Variants in PRSS33 observed in about 807,000 individuals in gnomAD.
PRSS33 encodes serine protease 33, also known as protease, serine 33.
Under a neutral mutation model 26.7 loss-of-function variants are expected in PRSS33, and 32 were observed. That is an observed-to-expected ratio of 1.20 (90% CI 0.90 to 1.61). The LOEUF is 1.61. Ranked by LOEUF, PRSS33 falls within the 40% of genes most tolerant of loss-of-function variation. The pLI is 0.00. For synonymous variants in PRSS33, 192 were observed against 177.6 expected (o/e 1.08, Z -0.64); for missense variants, 450 against 396.3 (o/e 1.14, Z -1.15).
rs1408936143 is a variant in PRSS33, at chr16:2,785,795, T to C, written c.242+4A>G. On this transcript the variant is annotated splice_donor_region_variant and intron_variant, in intron 4 of 6. Coordinates refer to ENST00000682474, the MANE Select transcript of PRSS33 (RefSeq NM_152891.3). Reference sequence around the variant, plus strand: ...CCCCGCCTGGGCCCTCGGTGAGCGCTGACCTGGGGAAGCAGTGCGCCGCTG... The same window carrying C: ...CCCCGCCTGGGCCCTCGGTGAGCGCCGACCTGGGGAAGCAGTGCGCCGCTG... The C allele has an allele frequency of 1.9e-6, 3 of 1,591,352 alleles. No homozygotes were observed. The highest frequency in any genetic ancestry group is 2.2e-5 in the South Asian group (2 of 90,100).
rs1175866184 is a variant in PRSS33, at chr16:2,785,534, A to G, written c.355T>C (p.Ser119Pro). The change falls in exon 5 of 7, where the codon TCC becomes CCC. Residue 119 changes from serine (S) to proline (P), a missense_variant. Physicochemically the swap from Ser to Pro is moderately conservative, Grantham distance 74 (BLOSUM62 -1). Coordinates refer to ENST00000682474, the MANE Select transcript of PRSS33 (RefSeq NM_152891.3). Reference protein sequence around the residue: ...VRRVLLPPDYSEDGARGDLAL... With the variant: ...VRRVLLPPDYPEDGARGDLAL... ...AGGTCGCCGCGGGCCCCGTCCTCGG[A>G]GTAGTCCGGGGGCAGCAGCACCCGT... 6.6e-7 allele frequency: 1 copy of G among 1,526,608 alleles called. No homozygotes were observed. Among genetic ancestry groups the G allele is most frequent in the Non-Finnish European group, 8.7e-7 (1 of 1,144,034 alleles). The allele number at this position is 1,526,608 out of a possible 1,614,324, so 94.6% of individuals were successfully genotyped here.
At position 2,784,380 on chromosome 16, in the gene PRSS33, A is replaced by C; in HGVS notation, c.*264T>G. The C allele has an allele frequency of 5.7e-6, 2 of 352,456 alleles. No homozygotes were observed. The highest frequency in any genetic ancestry group is 1.0e-5 in the Non-Finnish European group (2 of 190,914). The allele number at this position is 352,456 out of a possible 1,614,324, so 21.8% of individuals were successfully genotyped here. On this transcript the variant is annotated 3_prime_UTR_variant, in exon 7 of 7. Coordinates refer to ENST00000682474, the MANE Select transcript of PRSS33 (RefSeq NM_152891.3). ...GCCCTGGCCAGGGCCAAGAAAAGTA[A>C]ATACAAGCCAGGAAGGGAGTGGGGA...
Position 2,785,072 on chromosome 16 carries a change from TG to T in PRSS33, c.613del (p.Gln205ArgfsTer31). Reference sequence around the variant, plus strand: ...CCCAGGCAGCACAATGCGCTCAGCCTGGGGCACGTCCGCGCCCACGTGGTAG... The same window carrying T: ...CCCAGGCAGCACAATGCGCTCAGCCTGGGCACGTCCGCGCCCACGTGGTAG... ...GLYHVGADVP[Q>X]AERIVLPGSL... On this transcript the variant is annotated frameshift_variant, in exon 6 of 7. Transcript: ENST00000682474. LOFTEE classifies it high-confidence loss of function. The T allele has an allele frequency of 6.4e-7, 1 of 1,573,478 alleles. No homozygotes were observed.
rs769038009 is a variant in PRSS33 at position 2,785,905 on chromosome 16, C to T, written c.136G>A (p.Gly46Arg). 1.2e-6 allele frequency: 2 copies of T among 1,611,646 alleles called. No individual in the cohort carries two copies. Among genetic ancestry groups the T allele is most frequent in the South Asian group, 1.1e-5 (1 of 90,960 alleles). ...RIVGGRDGRD[G>R]EWPWQASIQH... Reference sequence around the variant, plus strand: ...ATGCTCGCCTGCCACGGCCACTCTCCGTCCCGGCCATCCCGGCCCCCAACG... The same window carrying T: ...ATGCTCGCCTGCCACGGCCACTCTCTGTCCCGGCCATCCCGGCCCCCAACG... The change falls in exon 4 of 7, where the codon GGA becomes AGA. Residue 46 changes from glycine (G) to arginine (R), a missense_variant. By Grantham distance (125) the Gly-to-Arg change is moderately radical. Transcript: ENST00000682474.
In PRSS33 at chr16:2,785,545, G is replaced by C. The variant is rs548700888; in HGVS notation, c.344C>G (p.Pro115Arg). ...LSVPVRRVLLPPDYSEDGARG... is the reference protein window; with the variant it reads ...LSVPVRRVLLRPDYSEDGARG... ...GGCCCCGTCCTCGGAGTAGTCCGGG[G>C]GCAGCAGCACCCGTCGCACGGGCAC... The change falls in exon 5 of 7, where the codon CCC becomes CGC. Residue 115 changes from proline (P) to arginine (R), a missense_variant. By Grantham distance (103) the Pro-to-Arg change is moderately radical. Coordinates refer to ENST00000682474, the MANE Select transcript of PRSS33 (RefSeq NM_152891.3). 2 of 1,527,932 alleles carry C rather than the reference G, an allele frequency of 1.3e-6. No homozygotes were observed. The highest frequency in any genetic ancestry group is 1.7e-6 in the Non-Finnish European group (2 of 1,144,532). The allele number at this position is 1,527,932 out of a possible 1,614,324, so 94.6% of individuals were successfully genotyped here. A position where few individuals can be genotyped will look rare whatever the true frequency, so the allele number is the denominator to read the frequency against.
Position 2,786,241 on chromosome 16 carries a change from C to T in PRSS33, c.47-120G>A, listed in dbSNP as rs564622903. ...AATGTTGCCCTGACATTGCGCCAGG[C>T]TTTCGTGCCGTCTGTTATCTTATTT... On this transcript the variant is annotated intron_variant, in intron 2 of 6. Coordinates refer to ENST00000682474, the MANE Select transcript of PRSS33 (RefSeq NM_152891.3). The T allele has an allele frequency of 5.0e-6, 5 of 1,008,706 alleles. No individual in the cohort carries two copies. The East Asian group carries it at 9.9e-5, about 20-fold the overall frequency. The allele number at this position is 1,008,706 out of a possible 1,614,324, so 62.5% of individuals were successfully genotyped here. A position where few individuals can be genotyped will look rare whatever the true frequency, so the allele number is the denominator to read the frequency against.
intron 5 of PRSS33, 60 bp from the exon 6 acceptor site, chr16:2,785,231 C>T (rs2150789267): frequency 2.0e-6 from 3 of 1,476,482 alleles, no homozygotes; most frequent in East Asian, 2.5e-5. Context: ...GTGGGAGAAG[C>T]TGAGCTCTGA....
chr16:2,786,259 T>C, intron 2 of PRSS33, 138 bp from the exon 3 acceptor site: 2 of 944,444 alleles, frequency 2.1e-6, no homozygotes, highest in African/African-American at 1.6e-5. Context: ...CCGTCTGTTA[T>C]CTTATTTAAC....
At position 2,784,144 on chromosome 16, in the gene PRSS33, G is replaced by A. The variant is rs2068846577; in HGVS notation, c.*500C>T. 6.6e-6 allele frequency: 1 copy of A among 152,458 alleles called. No homozygotes were observed. Among genetic ancestry groups the A allele is most frequent in the South Asian group, 2.1e-4 (1 of 4,840 alleles). 9.4% of individuals were successfully genotyped at this position (152,458 alleles called of 1,614,324 possible). ...CAGAATCCAGTGCCTTGCGGCTGTGGGTCTGAGGGTTCCGATTCCCTGCCG... is the reference window on the plus strand; with the variant it reads ...CAGAATCCAGTGCCTTGCGGCTGTGAGTCTGAGGGTTCCGATTCCCTGCCG... On this transcript the variant is annotated 3_prime_UTR_variant, in exon 7 of 7. Transcript: ENST00000682474.
chr16:2,786,640 C>G (rs2068877474), intron 1 of PRSS33, 36 bp from the exon 2 acceptor site: 9 of 1,409,188 alleles, frequency 6.4e-6, no homozygotes, highest in Non-Finnish European at 8.9e-6. Flanking sequence ...AGAGTCCTGG[C>G]CCAGGGGCAC....
Position 2,785,510 on chromosome 16 carries a change from G to C in PRSS33, c.379C>G (p.Leu127Val), listed in dbSNP as rs1243288821. ...GGGCGACGCAGCTGCAGCAGTGCCA[G>C]GTCGCCGCGGGCCCCGTCCTCGGAG... is the stretch of plus-strand genomic sequence containing the variant. ...DYSEDGARGD[L>V]ALLQLRRPVP... is the part of the protein sequence containing the mutation. Residue 127 changes from leucine (L) to valine (V), a missense_variant, in exon 5 of 7, where the codon CTG becomes GTG. Coordinates refer to ENST00000682474, the MANE Select transcript of PRSS33 (RefSeq NM_152891.3). 1 of 1,523,998 alleles carries C rather than the reference G, an allele frequency of 6.6e-7. No homozygotes were observed. The highest frequency in any genetic ancestry group is 2.5e-5 in the East Asian group (1 of 39,584). 94.4% of individuals were successfully genotyped at this position (1,523,998 alleles called of 1,614,324 possible).
intron 6 of PRSS33, 84 bp from the exon 7 acceptor site, chr16:2,784,886 G>T: frequency 6.6e-7 from 1 of 1,521,390 alleles, no homozygotes; most frequent in Non-Finnish European, 8.9e-7. Context: ...GGTGCCTCTA[G>T]GTTGGAGGCC....
chr16:2,784,467 G>A lies in PRSS33; in HGVS notation c.*177C>T, dbSNP rs2068849171. ...GAGGGTTGGTGGAGTCAGAGCTGGTGATCCCCAAAGAGGAGAGGAGGCAGG... is the reference window on the plus strand; with the variant it reads ...GAGGGTTGGTGGAGTCAGAGCTGGTAATCCCCAAAGAGGAGAGGAGGCAGG... On this transcript the variant is annotated 3_prime_UTR_variant, in exon 7 of 7. Transcript: ENST00000682474. 9.2e-6 allele frequency: 5 copies of A among 546,306 alleles called. No individual in the cohort carries two copies. The South Asian group carries it at 1.1e-4, about 12-fold the overall frequency. 33.8% of individuals were successfully genotyped at this position (546,306 alleles called of 1,614,324 possible).
Position 2,784,599 on chromosome 16 carries a change from G to C in PRSS33, c.*45C>G. ...AGGTGCCTGGATGAACCAGGAGGCTGAGGGACCCCAGCAGCTGGCTCCAGG... is the reference window on the plus strand; with the variant it reads ...AGGTGCCTGGATGAACCAGGAGGCTCAGGGACCCCAGCAGCTGGCTCCAGG... On this transcript the variant is annotated 3_prime_UTR_variant, in exon 7 of 7. Transcript: ENST00000682474. The C allele has an allele frequency of 6.6e-7, 1 of 1,523,992 alleles. No individual in the cohort carries two copies. The highest frequency in any genetic ancestry group is 8.9e-7 in the Non-Finnish European group (1 of 1,129,924). 94.4% of individuals were successfully genotyped at this position (1,523,992 alleles called of 1,614,324 possible). A position where few individuals can be genotyped will look rare whatever the true frequency, so the allele number is the denominator to read the frequency against.
chr16:2,786,868 T>C (rs1281995968), intron 1 of PRSS33: 11 of 102,054 alleles, frequency 1.1e-4, no homozygotes. Context: ...CCCTCCCTCA[T>C]CCCCCTCCCC....
At chr16:2,785,984 G>A (rs755057217) in intron 3 of PRSS33, 23 bp from the exon 4 acceptor site, 1 of 1,613,000 alleles carries the variant, frequency 6.2e-7, no homozygotes, top group African/African-American at 1.3e-5. Context: ...CAGGGGCGGT[G>A]AGGGTTGGCT....
intron 6 of PRSS33, 25 bp downstream of exon 6, chr16:2,784,977 G>C (rs2068855102): frequency 1.9e-6 from 3 of 1,592,572 alleles, no homozygotes; most frequent in East Asian, 4.5e-5. Flanking sequence ...GGGGACTCCG[G>C]AGGCTGGGGA....
rs2068868220 is a variant in PRSS33, at chr16:2,785,869, C to T, written c.172G>A (p.Gly58Arg). ...WPWQASIQHR[G>R]AHVCGGSLIA... ...AGCGACCCCCCGCACACGTGTGCCC[C>T]ACGATGCTGGATGCTCGCCTGCCAC... The change falls in exon 4 of 7, where the codon GGG (glycine) becomes AGG (arginine). Residue 58 changes from glycine to arginine, a missense_variant. Coordinates refer to ENST00000682474, the MANE Select transcript of PRSS33 (RefSeq NM_152891.3). 1 of 1,609,664 alleles carries T rather than the reference C, an allele frequency of 6.2e-7. No homozygotes were observed. Among genetic ancestry groups the T allele is most frequent in the Non-Finnish European group, 8.5e-7 (1 of 1,179,064 alleles).
Position 2,786,598 on chromosome 16 carries a change from C to T in PRSS33, c.-51G>A, listed in dbSNP as rs1044409145. 2 of 1,606,914 alleles carry T rather than the reference C, an allele frequency of 1.2e-6. No homozygotes were observed. The highest frequency in any genetic ancestry group is 2.7e-5 in the African/African-American group (2 of 74,692). On this transcript the variant is annotated 5_prime_UTR_variant, in exon 2 of 7. Transcript: ENST00000682474. ...AGGGTGGCACTGCCTAGGGCTTGGA[C>T]TCTGGTCTGGAGCCAGCAGGGAGAA...
Sources: allele counts gnomAD v4.1 joint callset, GRCh38; gene constraint gnomAD v4.1.1; transcripts MANE v1.5; gene names NCBI Gene and HGNC (gene_info 2026-07-23, HGNC 2026-07-21).